Variants in CDH12 observed in about 807,000 individuals in gnomAD.
CDH12 encodes cadherin-12.
CDH12 carries 41 observed loss-of-function variants against 74.1 expected under a neutral mutation model. The observed-to-expected ratio is 0.55, with a 90% CI of 0.43 to 0.72. CDH12 has a LOEUF of 0.72. CDH12 is among the 30% of genes least tolerant of loss of function. CDH12 has a pLI of 0.00. For missense variants in CDH12, 945 were observed against 977.2 expected, an observed-to-expected ratio of 0.97 and a Z score of 0.44; for synonymous variants, 399 against 355.0, an observed-to-expected ratio of 1.12 and a Z score of -1.39.
intron 4 of CDH12, among the ~76,000 whole-genome samples, chr5:22,093,009 G>A (rs1204733934): frequency 5.9e-5 from 9 of 152,156 alleles, no homozygotes; most frequent in Non-Finnish European, 1.3e-4. Flanking sequence ...CCTCACATGA[G>A]AGTGCACATC....
intron 1 of CDH12, among the ~76,000 whole-genome samples, chr5:22,833,060 C>A (rs748491834): frequency 1.3e-5 from 2 of 152,106 alleles, no homozygotes; most frequent in Non-Finnish European, 2.9e-5. Context: ...TTTTGCATGC[C>A]TAACTTTTTT....
chr5:22,760,268 A>G (rs1421148139), intron 1 of CDH12, among the ~76,000 whole-genome samples: 1 of 152,234 alleles, frequency 6.6e-6, no homozygotes, highest in Non-Finnish European at 1.5e-5. Context: ...TTGGTTAACT[A>G]TAGAATCTAA....
At chr5:21,777,342 T>C (rs1333125414) in intron 11 of CDH12, among the ~76,000 whole-genome samples, 1 of 152,140 alleles carries the variant, frequency 6.6e-6, no homozygotes, top group Non-Finnish European at 1.5e-5. Flanking sequence ...TTTTTCTTTC[T>C]AAAATGCAAA....
intron 8 of CDH12, among the ~76,000 whole-genome samples, chr5:21,836,836 C>T (rs149966830): frequency 6.6e-5 from 10 of 151,894 alleles, no homozygotes; most frequent in South Asian, 2.1e-4. Flanking sequence ...TTTAATTCTA[C>T]GGAAAACATT....
chr5:21,907,314 C>A (rs1479759453), intron 6 of CDH12, among the ~76,000 whole-genome samples: 1 of 152,064 alleles, frequency 6.6e-6, no homozygotes, highest in African/African-American at 2.4e-5. Context: ...ACAAAGCCAG[C>A]GACCCAGTTG....
chr5:21,998,355 T>G (rs929640606), intron 5 of CDH12, among the ~76,000 whole-genome samples: 1 of 152,034 alleles, frequency 6.6e-6, no homozygotes, highest in Non-Finnish European at 1.5e-5. Flanking sequence ...TAAATATATA[T>G]ATACATTTGC....
At position 22,484,500 on chromosome 5, in the gene CDH12, A is replaced by C. The variant is rs1435378809; in HGVS notation, c.-428+20770T>G. Among the ~76,000 whole-genome samples, 35 of 152,342 alleles carry C rather than the reference A, an allele frequency of 2.3e-4. 1 individual carries two copies. The highest frequency in any genetic ancestry group is 1.5e-5 in the Non-Finnish European group (1 of 68,036). On this transcript the variant is annotated intron_variant, in intron 2 of 14. Coordinates refer to ENST00000382254, the MANE Select transcript of CDH12 (RefSeq NM_004061.5). ...AAAGTATATTGAAAGCATAATGAGA[A>C]TTGTGCAGCCAGTAAACACTGAATG...
intron 1 of CDH12, among the ~76,000 whole-genome samples, chr5:22,517,276 G>C (rs1010639048): frequency 2.0e-5 from 3 of 151,872 alleles, no homozygotes; most frequent in Non-Finnish European, 1.5e-5. Flanking sequence ...TAATGTTTAA[G>C]TATTTTCCAT....
At chr5:22,450,550 A>G (rs1362194337) in intron 2 of CDH12, among the ~76,000 whole-genome samples, 1 of 151,882 alleles carries the variant, frequency 6.6e-6, no homozygotes, top group Non-Finnish European at 1.5e-5. Flanking sequence ...CACTGTATCA[A>G]TGTTTCCCTC....
At chr5:22,670,393 A>G (rs1740843917) in intron 1 of CDH12, among the ~76,000 whole-genome samples, 2 of 152,228 alleles carry the variant, frequency 1.3e-5, no homozygotes, top group African/African-American at 2.4e-5. Flanking sequence ...TTTAAATAAC[A>G]TTAAGAATAT....
rs576803499 is a variant in CDH12, at chr5:22,007,338, T to C, written c.232-31953A>G. The stretch of plus-strand genomic sequence containing the variant: ...GAGAGTAGATTTCAAGTGTTCTCAC[T>C]TTAATATCTGGTAAGTATGTGAGGT... On this transcript the variant is annotated intron_variant, in intron 5 of 14. Transcript: ENST00000382254. 6.6e-5 allele frequency among the ~76,000 whole-genome samples: 10 copies of C among 152,304 alleles called. No homozygotes were observed. In the Middle Eastern group the frequency reaches 0.01, roughly 155 times the overall value.
intron 1 of CDH12, among the ~76,000 whole-genome samples, chr5:22,681,980 T>G (rs577258848): frequency 6.6e-6 from 1 of 152,138 alleles, no homozygotes; most frequent in African/African-American, 2.4e-5. Context: ...AAAAAATCTC[T>G]AAGCATATAC....
intron 1 of CDH12, among the ~76,000 whole-genome samples, chr5:22,644,530 T>A (rs1379940304): frequency 3.3e-5 from 5 of 152,020 alleles, no homozygotes; most frequent in Admixed American, 2.0e-4. Context: ...TAAAAATTTT[T>A]AAAAAATGAA....
intron 8 of CDH12, 33 bp downstream of exon 8, chr5:21,842,128 A>C (rs780456094): frequency 1.9e-6 from 3 of 1,551,724 alleles, no homozygotes; most frequent in Non-Finnish European, 2.6e-6. Context: ...TTTAAACCGC[A>C]ATAATTTAGG....
At chr5:22,646,886 A>T (rs1020979447) in intron 1 of CDH12, among the ~76,000 whole-genome samples, 1 of 151,942 alleles carries the variant, frequency 6.6e-6, no homozygotes, top group Non-Finnish European at 1.5e-5. Flanking sequence ...TCAAAAATAT[A>T]AATTTTGAAA....
At chr5:22,458,604 A>G (rs1745383396) in intron 2 of CDH12, among the ~76,000 whole-genome samples, 1 of 152,194 alleles carries the variant, frequency 6.6e-6, no homozygotes, top group South Asian at 2.1e-4. Flanking sequence ...TTTCTATTAC[A>G]TTATTTAATA....
chr5:22,275,006 A>G (rs1226472062), intron 3 of CDH12, among the ~76,000 whole-genome samples: 1 of 152,122 alleles, frequency 6.6e-6, no homozygotes, highest in Admixed American at 6.6e-5. Flanking sequence ...AACTTAGTAA[A>G]TGAGTAAAAT....
chr5:21,876,056 CA>C (rs1217307283), intron 6 of CDH12, among the ~76,000 whole-genome samples: 1 of 151,984 alleles, frequency 6.6e-6, no homozygotes, highest in African/African-American at 2.4e-5. Flanking sequence ...CCACCATGCC[CA>C]GCTAATTTTT....
At chr5:22,609,101 A>AC (rs1737266819) in intron 1 of CDH12, among the ~76,000 whole-genome samples, 1 of 151,864 alleles carries the variant, frequency 6.6e-6, no homozygotes, top group Admixed American at 6.6e-5. Flanking sequence ...GGAGTGGGTG[A>AC]CCCCCTATTT....
Sources: gnomAD v4.1 joint callset for allele counts (sites outside exome capture counted in the v4.1 genomes callset) on GRCh38, gnomAD v4.1.1 for gene constraint, MANE v1.5 for transcripts, NCBI Gene and HGNC (gene_info 2026-07-23, HGNC 2026-07-21) for gene names.